Variants in SLC9A5 observed in about 807,000 individuals in gnomAD.
The protein encoded by SLC9A5 is sodium/hydrogen exchanger 5.
In SLC9A5, 52 loss-of-function variants were observed where a neutral mutation model predicts 91.7. That is an observed-to-expected ratio of 0.57 (90% CI 0.45 to 0.71). The LOEUF is 0.71. SLC9A5 is among the 30% of genes least tolerant of loss of function. The pLI is 0.00. For synonymous variants in SLC9A5, 419 were observed against 474.5 expected (o/e 0.88, Z 1.52); for missense variants, 871 against 1,158.9 (o/e 0.75, Z 3.61).
chr16:67,255,085 C>A lies in SLC9A5; in HGVS notation c.555C>A (p.Asp185Glu), dbSNP rs201610107. The change falls in exon 3 of 16, where the codon GAC becomes GAA. Residue 185 changes from aspartate (D) to glutamate (E), a missense_variant. By Grantham distance (45) the Asp-to-Glu change is conservative. Transcript: ENST00000299798. The surrounding 1 kb of genome is among the most constrained non-coding windows in gnomAD (Gnocchi z 4.9). ...TTGGGAGCCTCATCTCGGCGGTGGA[C>A]CCCGTGGCCGTGCTAGCTGTCTTTG... The part of the protein sequence containing the change: ...LLFGSLISAV[D>E]PVAVLAVFEE... 1 of 1,614,074 alleles carries A rather than the reference C, an allele frequency of 6.2e-7. No individual in the cohort carries two copies. Among genetic ancestry groups the A allele is most frequent in the Non-Finnish European group, 8.5e-7 (1 of 1,179,998 alleles).
In SLC9A5 at chr16:67,265,045, T is replaced by G; in HGVS notation, c.2019T>G (p.Asp673Glu). 6.2e-7 allele frequency: 1 copy of G among 1,614,070 alleles called. No individual in the cohort carries two copies. Among genetic ancestry groups the G allele is most frequent in the Non-Finnish European group, 8.5e-7 (1 of 1,179,980 alleles). The change falls in exon 14 of 16, where the codon GAT becomes GAG. Residue 673 changes from aspartate to glutamate, a missense_variant. By Grantham distance (45) the Asp-to-Glu change is conservative. Transcript: ENST00000299798. The stretch of plus-strand genomic sequence containing the variant: ...TTTTCTTTCTTGGTCCTCAGAAGGA[T>G]GGTGTGGCGAATGCTGAGGCTACAA... ...RPRKTGRRKK[D>E]GVANAEATNG...
intron 2 of SLC9A5, among the ~76,000 whole-genome samples, chr16:67,253,075 T>C (rs1420165310): frequency 6.6e-6 from 1 of 152,208 alleles, no homozygotes; most frequent in African/African-American, 2.4e-5. Context: ...CAGCTGTATG[T>C]GGGCTGCCAA....
At chr16:67,264,614 A>ATT in intron 13 of SLC9A5, 92 bp downstream of exon 13, 1 of 1,345,120 alleles carries the variant, frequency 7.4e-7, no homozygotes, top group Non-Finnish European at 1.1e-6. Flanking sequence ...CTTAGGGGGA[A>ATT]CCCCAGTTGG....
Position 67,255,920 on chromosome 16 carries a change from G to A in SLC9A5, c.901G>A (p.Ala301Thr), listed in dbSNP as rs1188402885. Reference sequence around the variant, plus strand: ...CACTGCTGAAATGGCCTCGCTCTCCGCCATTCTTGCGTGAGTTCTGGGGGC... The same window carrying A: ...CACTGCTGAAATGGCCTCGCTCTCCACCATTCTTGCGTGAGTTCTGGGGGC... ...YLTAEMASLS[A>T]ILAVTMCGLG... The change falls in exon 5 of 16, where the codon GCC (alanine) becomes ACC (threonine). Residue 301 changes from alanine to threonine, a missense_variant. Coordinates refer to ENST00000299798, the MANE Select transcript of SLC9A5 (RefSeq NM_004594.3). The surrounding 1 kb of genome is among the most constrained non-coding windows in gnomAD (Gnocchi z 4.9). The A allele has an allele frequency of 4.3e-6, 7 of 1,612,966 alleles. No individual in the cohort carries two copies. In the East Asian group the frequency reaches 6.7e-5, roughly 15 times the overall value.
rs1220846360 is a variant in SLC9A5 at position 67,255,959 on chromosome 16, A to G, written c.911+29A>G. On this transcript the variant is annotated intron_variant, in intron 5 of 15. Transcript: ENST00000299798. The surrounding 1 kb of genome is among the most constrained non-coding windows in gnomAD (Gnocchi z 4.9). ...AGTTCTGGGGGCCTTGCAGGCAGATAGCTGGGAGGGGGCACTGGAGATGGT... is the reference window on the plus strand; with the variant it reads ...AGTTCTGGGGGCCTTGCAGGCAGATGGCTGGGAGGGGGCACTGGAGATGGT... The G allele has an allele frequency of 3.7e-6, 6 of 1,605,222 alleles. No homozygotes were observed. Among genetic ancestry groups the G allele is most frequent in the Non-Finnish European group, 5.1e-6 (6 of 1,175,266 alleles).
chr16:67,271,274 T>C lies in SLC9A5; in HGVS notation c.*64T>C. The C allele has an allele frequency of 1.5e-5, 21 of 1,411,446 alleles. No homozygotes were observed. Among genetic ancestry groups the C allele is most frequent in the Non-Finnish European group, 2.0e-5 (21 of 1,028,852 alleles). 87.4% of individuals were successfully genotyped at this position (1,411,446 alleles called of 1,614,324 possible). A position where few individuals can be genotyped will look rare whatever the true frequency, so the allele number is the denominator to read the frequency against. On this transcript the variant is annotated 3_prime_UTR_variant, in exon 16 of 16. Coordinates refer to ENST00000299798, the MANE Select transcript of SLC9A5 (RefSeq NM_004594.3). ...TGGGAAGTGCTCCCTGGGTGATGGGTAGAGCCCTCGAAACTTGACATGGGG... is the reference window on the plus strand; with the variant it reads ...TGGGAAGTGCTCCCTGGGTGATGGGCAGAGCCCTCGAAACTTGACATGGGG...
intron 10 of SLC9A5, among the ~76,000 whole-genome samples, chr16:67,259,125 G>A (rs1021811730): frequency 6.6e-6 from 1 of 152,068 alleles, no homozygotes; most frequent in Non-Finnish European, 1.5e-5. Context: ...CAGGCGTGGT[G>A]GTGGGCACCT....
In SLC9A5 at chr16:67,249,141, G is replaced by T; in HGVS notation, c.127G>T (p.Glu43Ter). 6.4e-7 allele frequency: 1 copy of T among 1,561,334 alleles called. No individual in the cohort carries two copies. Among genetic ancestry groups the T allele is most frequent in the East Asian group, 2.5e-5 (1 of 40,508 alleles). Residue 43 changes from glutamate to a stop codon, truncating the protein, a stop_gained, in exon 1 of 16, where the codon GAG becomes TAG. Transcript: ENST00000299798. LOFTEE classifies it high-confidence loss of function. Reference sequence around the variant, plus strand: ...AGAGCTCTTCCGCTGGCAGTGGCACGAGGTGGAGGCGCCCTACCTGGTGGC... The same window carrying T: ...AGAGCTCTTCCGCTGGCAGTGGCACTAGGTGGAGGCGCCCTACCTGGTGGC... ...GLELFRWQWH[E>*]VEAPYLVALW...
In SLC9A5 at chr16:67,257,498, C is replaced by G. The variant is rs1407799434; in HGVS notation, c.1426-33C>G. On this transcript the variant is annotated intron_variant, in intron 8 of 15. Transcript: ENST00000299798. The surrounding 1 kb of genome is among the most constrained non-coding windows in gnomAD (Gnocchi z 5.1). Reference sequence around the variant, plus strand: ...ACCTTCTCCTATTTTGGGCAGAGTCCTGATCCAGTCCCCCTACCCACCCCC... The same window carrying G: ...ACCTTCTCCTATTTTGGGCAGAGTCGTGATCCAGTCCCCCTACCCACCCCC... The G allele has an allele frequency of 6.2e-7, 1 of 1,613,860 alleles. No individual in the cohort carries two copies. Among genetic ancestry groups the G allele is most frequent in the Non-Finnish European group, 8.5e-7 (1 of 1,179,742 alleles).
intron 15 of SLC9A5, among the ~76,000 whole-genome samples, chr16:67,268,994 C>A (rs1220790122): frequency 1.3e-5 from 2 of 151,762 alleles, no homozygotes; most frequent in Admixed American, 1.3e-4. Context: ...TCCCCCAAAC[C>A]CCCTACTTTT....
rs2035319224 is a variant in SLC9A5, at chr16:67,256,399, T to C, written c.912-70T>C. 1 of 1,073,294 alleles carries C rather than the reference T, an allele frequency of 9.3e-7. No homozygotes were observed. Among genetic ancestry groups the C allele is most frequent in the Non-Finnish European group, 1.4e-6 (1 of 703,316 alleles). The allele number at this position is 1,073,294 out of a possible 1,614,324, so 66.5% of individuals were successfully genotyped here. On this transcript the variant is annotated intron_variant, in intron 5 of 15. Coordinates refer to ENST00000299798, the MANE Select transcript of SLC9A5 (RefSeq NM_004594.3). This position sits in a 1 kb window ranked among gnomAD's most constrained non-coding sequence, Gnocchi z 4.1. ...ATGGGCAATGCCCCCTCCTGCAGTA[T>C]GCTCAAACCCTGGAGGCTGAGCCCC...
chr16:67,270,083 G>T lies in SLC9A5; in HGVS notation c.2219-655G>T, dbSNP rs2035867608. Reference sequence around the variant, plus strand: ...TCTCCCTCGCTGGTTGGCTGGGATGGGGCTTGGCAGGAGGCTGTTTCAGAG... The same window carrying T: ...TCTCCCTCGCTGGTTGGCTGGGATGTGGCTTGGCAGGAGGCTGTTTCAGAG... On this transcript the variant is annotated intron_variant, in intron 15 of 15. Coordinates refer to ENST00000299798, the MANE Select transcript of SLC9A5 (RefSeq NM_004594.3). This position sits in a 1 kb window ranked among gnomAD's most constrained non-coding sequence, Gnocchi z 4.3. 6.6e-6 allele frequency among the ~76,000 whole-genome samples: 1 copy of T among 152,188 alleles called. No homozygotes were observed. The highest frequency in any genetic ancestry group is 2.4e-5 in the African/African-American group (1 of 41,448).
intron 14 of SLC9A5, among the ~76,000 whole-genome samples, chr16:67,265,750 G>T (rs1005125100): frequency 1.3e-5 from 2 of 152,192 alleles, no homozygotes; most frequent in African/African-American, 4.8e-5. Context: ...TGAGCTGAAT[G>T]TTAATGGGCC....
In SLC9A5 at chr16:67,255,126, A is replaced by G; in HGVS notation, c.596A>G (p.Asn199Ser). Residue 199 changes from asparagine to serine, a missense_variant, in exon 3 of 16, where the codon AAT becomes AGT. By Grantham distance (46) the Asn-to-Ser change is conservative (BLOSUM62 1). Transcript: ENST00000299798. The surrounding 1 kb of genome is among the most constrained non-coding windows in gnomAD (Gnocchi z 4.9). The part of the protein sequence containing the change: ...VLAVFEEVHV[N>S]ETLFIIVFGE... ...GCTGTCTTTGAGGAGGTGCACGTCA[A>G]TGAGACTCTCTTTATCATCGTCTTT... 6.2e-7 allele frequency: 1 copy of G among 1,614,056 alleles called. No individual in the cohort carries two copies. The highest frequency in any genetic ancestry group is 8.5e-7 in the Non-Finnish European group (1 of 1,179,980).
At chr16:67,265,511 T>C (rs577675655) in intron 14 of SLC9A5, among the ~76,000 whole-genome samples, 3 of 152,174 alleles carry the variant, frequency 2.0e-5, no homozygotes, top group Non-Finnish European at 4.4e-5. Flanking sequence ...CTCTGCCTCC[T>C]GGGTTCAAGT....
Position 67,255,510 on chromosome 16 carries a change from G to GA in SLC9A5, c.733+39_733+40insA. On this transcript the variant is annotated intron_variant, in intron 4 of 15. Coordinates refer to ENST00000299798, the MANE Select transcript of SLC9A5 (RefSeq NM_004594.3). The surrounding 1 kb of genome is among the most constrained non-coding windows in gnomAD (Gnocchi z 4.9). ...CGCTCCCAGCTGGCATTGGAGGTCT[G>GA]CCTCCCCTGGGTTGCTGAGGCCCTC... 1 of 1,595,700 alleles carries GA rather than the reference G, an allele frequency of 6.3e-7. No homozygotes were observed. Among genetic ancestry groups the GA allele is most frequent in the Non-Finnish European group, 8.6e-7 (1 of 1,163,424 alleles).
chr16:67,255,022 C>A lies in SLC9A5; in HGVS notation c.492C>A (p.Ala164=), dbSNP rs752371924. The A allele has an allele frequency of 6.2e-7, 1 of 1,613,390 alleles. No homozygotes were observed. Among genetic ancestry groups the A allele is most frequent in the South Asian group, 1.1e-5 (1 of 91,054 alleles). Residue 164 remains alanine, a splice_region_variant and synonymous_variant, in exon 3 of 16, where the codon GCC becomes GCA. Transcript: ENST00000299798. The surrounding 1 kb of genome is among the most constrained non-coding windows in gnomAD (Gnocchi z 4.9). ...LWGLQQAGLV[A]PRVQAGLLDF... is the part of the protein sequence containing the mutation. ...TGTCCTACACATGTCCCTTAATAGC[C>A]CCTAGGGTGCAGGCTGGCTTACTGG...
chr16:67,250,784 C>T (rs2035084578), intron 1 of SLC9A5, among the ~76,000 whole-genome samples: 1 of 152,158 alleles, frequency 6.6e-6, no homozygotes, highest in Non-Finnish European at 1.5e-5. Context: ...TTCCAAAGGG[C>T]ACTGTCTTGG....
chr16:67,264,421 C>CAGCA lies in SLC9A5; in HGVS notation c.1913_1916dup (p.Asn640AlafsTer11). 6.2e-7 allele frequency: 1 copy of CAGCA among 1,614,172 alleles called. No individual in the cohort carries two copies. Among genetic ancestry groups the CAGCA allele is most frequent in the East Asian group, 2.2e-5 (1 of 44,878 alleles). On this transcript the variant is annotated frameshift_variant, in exon 13 of 16. Coordinates refer to ENST00000299798, the MANE Select transcript of SLC9A5 (RefSeq NM_004594.3). LOFTEE classifies it high-confidence loss of function. ...GGAGCGGCAGGACAAGGAGGTCTTC[C>CAGCA]AGCAGAACATGAAGCGGCGGCTGGA...
Sources: gnomAD v4.1 joint callset for allele counts (sites outside exome capture counted in the v4.1 genomes callset) on GRCh38, gnomAD v4.1.1 for gene constraint, Gnocchi (gnomAD v3.1) non-coding constraint, MANE v1.5 for transcripts, NCBI Gene and HGNC (gene_info 2026-07-23, HGNC 2026-07-21) for gene names.